PTK7: variants seen among roughly 807,000 people sequenced by gnomAD.
PTK7 encodes protein tyrosine kinase 7 (inactive).
PTK7 carries 39 observed loss-of-function variants against 116.6 expected under a neutral mutation model. The observed-to-expected ratio is 0.33, with a 90% confidence interval of 0.26 to 0.44. The LOEUF is 0.44. PTK7 is among the 20% of genes least tolerant of loss of function. The probability of loss-of-function intolerance (pLI) is 1.00; values close to 1 mark genes in which losing one functional copy is unlikely to be tolerated. For missense variants in PTK7, 1,169 were observed against 1,425.6 expected (o/e 0.82, Z 2.90); for synonymous variants, 546 against 563.6 (o/e 0.97, Z 0.44).
chr6:43,145,175 T>TGG lies in PTK7; in HGVS notation c.2408-24_2408-23dup. The TGG allele has an allele frequency of 4.5e-6, 7 of 1,568,064 alleles. No individual in the cohort carries two copies. The highest frequency in any genetic ancestry group is 6.1e-6 in the Non-Finnish European group (7 of 1,153,732). On this transcript the variant is annotated intron_variant, in intron 15 of 19. Coordinates refer to ENST00000230419, the MANE Select transcript of PTK7 (RefSeq NM_002821.5). The surrounding 1 kb of genome is among the most constrained non-coding windows in gnomAD (Gnocchi z 4.8). ...CTGCCTCGGCCTGGGTGAAGGTGGC[T>TGG]GGCTGACTCAGACTGTACCCACAGG...
At chr6:43,109,674 T>G (rs1381789581) in intron 1 of PTK7, among the ~76,000 whole-genome samples, 1 of 151,938 alleles carries the variant, frequency 6.6e-6, no homozygotes, top group African/African-American at 2.4e-5. Flanking sequence ...TTACATTTCT[T>G]AGATTACTAG....
At chr6:43,110,907 A>G (rs1256914868) in intron 1 of PTK7, among the ~76,000 whole-genome samples, 2 of 152,108 alleles carry the variant, frequency 1.3e-5, no homozygotes, top group Non-Finnish European at 2.9e-5. Context: ...GGGGCCTCCT[A>G]GGATCGGAAA....
Position 43,130,673 on chromosome 6 carries a change from G to A in PTK7, c.812+12G>A. On this transcript the variant is annotated intron_variant, in intron 5 of 19. Transcript: ENST00000230419. ...ACTAACCGCAGTCGGTAAGGCATCTGGCTGGGAGCATTCCAGTACCATGTA... is the reference window on the plus strand; with the variant it reads ...ACTAACCGCAGTCGGTAAGGCATCTAGCTGGGAGCATTCCAGTACCATGTA... 1.9e-6 allele frequency: 3 copies of A among 1,614,096 alleles called. No individual in the cohort carries two copies. The highest frequency in any genetic ancestry group is 2.5e-6 in the Non-Finnish European group (3 of 1,179,966).
chr6:43,157,352 ATATATATATATATTTTTTTTTTTCTTTT>A (rs1391348153), intron 17 of PTK7, among the ~76,000 whole-genome samples: 4 of 4,616 alleles, frequency 8.7e-4, no homozygotes, highest in African/African-American at 3.1e-3. Context: ...ATATATATAT[ATATATATATATATTTTTTTTTTTCTTTT>A]TTTTTTTTTT....
Position 43,138,853 on chromosome 6 carries a change from G to A in PTK7, c.1233G>A (p.Val411=), listed in dbSNP as rs756190929. Reference sequence around the variant, plus strand: ...GTTTCCTTCCTGTCTGTCTAGCTGTGCCCTCCTGGCTGAAGAAGCCCCAAG... The same window carrying A: ...GTTTCCTTCCTGTCTGTCTAGCTGTACCCTCCTGGCTGAAGAAGCCCCAAG... ...RQDVNITVAT[V]PSWLKKPQDS... The change falls in exon 8 of 20, where the codon GTG becomes GTA. Residue 411 remains valine, a synonymous_variant. Coordinates refer to ENST00000230419, the MANE Select transcript of PTK7 (RefSeq NM_002821.5). The A allele has an allele frequency of 3.1e-6, 5 of 1,612,192 alleles. No individual in the cohort carries two copies. The highest frequency in any genetic ancestry group is 1.1e-5 in the South Asian group (1 of 90,820).
chr6:43,150,832 C>T (rs1447309005), intron 17 of PTK7, among the ~76,000 whole-genome samples: 5 of 116,062 alleles, frequency 4.3e-5, no homozygotes, highest in African/African-American at 1.3e-4. Flanking sequence ...GACAGAGTCT[C>T]GCTCTGTCTC....
At chr6:43,096,739 C>A (rs898279282) in intron 1 of PTK7, among the ~76,000 whole-genome samples, 2 of 152,230 alleles carry the variant, frequency 1.3e-5, no homozygotes, top group Non-Finnish European at 2.9e-5. Context: ...GCTGGGCCAG[C>A]CTGCCTGCCT....
Position 43,076,324 on chromosome 6 carries a change from C to A in PTK7, c.-165C>A. 7.9e-6 allele frequency: 2 copies of A among 254,240 alleles called. No homozygotes were observed. Among genetic ancestry groups the A allele is most frequent in the Non-Finnish European group, 1.3e-5 (2 of 148,332 alleles). The allele number at this position is 254,240 out of a possible 1,614,324, so 15.7% of individuals were successfully genotyped here. ...CGGGGACTCGGAGGTACTGGGCGCG[C>A]GCGGCTCCGGCTCGGGACGCCTCGG... On this transcript the variant is annotated 5_prime_UTR_variant, in exon 1 of 20. Coordinates refer to ENST00000230419, the MANE Select transcript of PTK7 (RefSeq NM_002821.5). This position sits in a 1 kb window ranked among gnomAD's most constrained non-coding sequence, Gnocchi z 5.7.
chr6:43,158,144 A>G (rs1002524578), intron 17 of PTK7, among the ~76,000 whole-genome samples: 1 of 151,916 alleles, frequency 6.6e-6, no homozygotes, highest in African/African-American at 2.4e-5. Context: ...TAAAAATACA[A>G]AAAAATTAGC....
intron 1 of PTK7, among the ~76,000 whole-genome samples, chr6:43,102,314 A>G (rs1767628566): frequency 6.6e-6 from 1 of 152,194 alleles, no homozygotes; most frequent in African/African-American, 2.4e-5. Context: ...AGTCCCAGCT[A>G]CTTGGGAGGC....
At chr6:43,111,971 T>G (rs1768218428) in intron 1 of PTK7, among the ~76,000 whole-genome samples, 1 of 151,914 alleles carries the variant, frequency 6.6e-6, no homozygotes, top group Admixed American at 6.6e-5. Flanking sequence ...CGTGAGCCAC[T>G]GCACCTGGCC....
intron 19 of PTK7, 93 bp downstream of exon 19, chr6:43,160,059 A>G: frequency 1.5e-6 from 2 of 1,353,570 alleles, no homozygotes; most frequent in Non-Finnish European, 2.0e-6. Context: ...CCTCCCTCTC[A>G]GGGCTGCTAC....
rs1037222136 is a variant in PTK7 at position 43,137,288 on chromosome 6, A to G, written c.1229-1561A>G. Among the ~76,000 whole-genome samples, 3 of 152,198 alleles carry G rather than the reference A, an allele frequency of 2.0e-5. No individual in the cohort carries two copies. In the East Asian group the frequency reaches 5.8e-4, roughly 29 times the overall value. On this transcript the variant is annotated intron_variant, in intron 7 of 19. Transcript: ENST00000230419. ...CTAGGGGAGATACTGAAGGAGCTTG[A>G]ACAGAGGCAGTAGCGGTGGGGGTGA...
chr6:43,121,572 T>TCTGCAGCTCACTGGGTC (rs150243838), intron 1 of PTK7, among the ~76,000 whole-genome samples: 5,701 of 152,304 alleles, frequency 0.037, 152 homozygotes, highest in Non-Finnish European at 0.06. Context: ...AATTTTGTGC[T>TCTGCAGCTCACTGGGTC]CTGCAGCTCA....
intron 17 of PTK7, 116 bp downstream of exon 17, chr6:43,146,814 C>A: frequency 3.6e-6 from 3 of 830,120 alleles, no homozygotes; most frequent in Non-Finnish European, 3.9e-6. Flanking sequence ...AAGAACTTCA[C>A]ATGTGTTACT....
At chr6:43,159,996 C>T (rs200897579) in intron 19 of PTK7, 30 bp downstream of exon 19, 2 of 1,597,612 alleles carry the variant, frequency 1.3e-6, no homozygotes, top group East Asian at 4.5e-5. Context: ...GGGGATGATT[C>T]CAGATGGGCC....
chr6:43,094,009 C>T (rs1433596428), intron 1 of PTK7, among the ~76,000 whole-genome samples: 1 of 152,186 alleles, frequency 6.6e-6, no homozygotes, highest in Non-Finnish European at 1.5e-5. Context: ...TATACTTCTA[C>T]GCAAAGGAAG....
At chr6:43,151,750 G>T (rs1771108121) in intron 17 of PTK7, among the ~76,000 whole-genome samples, 1 of 148,194 alleles carries the variant, frequency 6.7e-6, no homozygotes, top group Non-Finnish European at 1.5e-5. Context: ...AGTTGGCCAG[G>T]ATGGACACAA....
chr6:43,120,375 G>A (rs1459167208), intron 1 of PTK7, among the ~76,000 whole-genome samples: 1 of 152,202 alleles, frequency 6.6e-6, no homozygotes, highest in Non-Finnish European at 1.5e-5. Context: ...AAGAGTGATG[G>A]GGTATCCCAG....
Sources: allele counts gnomAD v4.1 joint callset (sites outside exome capture counted in the v4.1 genomes callset), GRCh38; gene constraint gnomAD v4.1.1; non-coding constraint Gnocchi (gnomAD v3.1); transcripts MANE v1.5; gene names NCBI Gene and HGNC (gene_info 2026-07-23, HGNC 2026-07-21).